The following PHYHIP variants were observed in gnomAD, a reference collection of about 807,000 sequenced individuals.
PHYHIP encodes the protein phytanoyl-CoA 2-hydroxylase interacting protein.
In PHYHIP, 7 loss-of-function variants were observed where a neutral mutation model predicts 26.1. The observed-to-expected ratio is 0.27, with a 90% CI of 0.15 to 0.50. The LOEUF is 0.50. Among genes scored for constraint, PHYHIP ranks in the 20% least tolerant of loss-of-function variants. The pLI is 0.98. For missense variants in PHYHIP, 232 were observed against 454.7 expected, an observed-to-expected ratio of 0.51 and a Z score of 4.45; for synonymous variants, 206 against 183.4, an observed-to-expected ratio of 1.12 and a Z score of -1.00.
intron 3 of PHYHIP, among the ~76,000 whole-genome samples, chr8:22,225,610 C>A (rs1369507279): frequency 3.7e-5 from 5 of 136,056 alleles, no homozygotes; most frequent in Non-Finnish European, 7.7e-5. Context: ...GCCTGGCCAA[C>A]ATGGTGAAAC....
rs372670531 is a variant in PHYHIP, at chr8:22,221,941, C to T, written c.459-54G>A. ...GGAAGAGAAGATGTGGCTGGTGAGC[C>T]GGGCTGAGGCTTGGCTGCTGCGTGT... On this transcript the variant is annotated intron_variant, in intron 4 of 4. Transcript: ENST00000454243. The surrounding 1 kb of genome is among the most constrained non-coding windows in gnomAD (Gnocchi z 7.9). 66 of 1,424,406 alleles carry T rather than the reference C, an allele frequency of 4.6e-5. No homozygotes were observed. Among genetic ancestry groups the T allele is most frequent in the East Asian group, 4.5e-4 (18 of 39,980 alleles). The allele number at this position is 1,424,406 out of a possible 1,614,324, so 88.2% of individuals were successfully genotyped here.
Position 22,228,306 on chromosome 8 carries a change from C to T in PHYHIP, c.52G>A (p.Asp18Asn). Residue 18 changes from aspartate (D) to asparagine (N), a missense_variant, in exon 2 of 5, where the codon GAC becomes AAC. Transcript: ENST00000454243. ...ATGGCCCAGGAGATGCGGAAGGAGT[C>T]GCAGGTGATGTTGTTGATCTCAATG... ...HSIEINNITC[D>N]SFRISWAMED... 2 of 1,611,014 alleles carry T rather than the reference C, an allele frequency of 1.2e-6. No homozygotes were observed. Among genetic ancestry groups the T allele is most frequent in the Non-Finnish European group, 1.7e-6 (2 of 1,179,166 alleles).
chr8:22,227,061 AAACAGGGGTTC>A (rs1444971885), intron 2 of PHYHIP, 36 bp from the exon 3 acceptor site: 1 of 1,573,220 alleles, frequency 6.4e-7, no homozygotes, highest in Admixed American at 1.8e-5. Flanking sequence ...GCCAGGCGTC[AAACAGGGGTTC>A]ATGCCCAATC....
chr8:22,227,830 G>A (rs975781101), intron 2 of PHYHIP: 34 of 418,060 alleles, frequency 8.1e-5, no homozygotes, highest in African/African-American at 5.5e-4. Flanking sequence ...GACTTGAGAC[G>A]TCATCCCCAT....
intron 1 of PHYHIP, among the ~76,000 whole-genome samples, chr8:22,230,797 T>G (rs74442072): frequency 0.062 from 9,402 of 152,100 alleles, 359 homozygotes; most frequent in Admixed American, 0.091. Context: ...CCCTCTTCAA[T>G]CTGTCACCTC....
At chr8:22,223,884 C>T (rs1009816180) in intron 4 of PHYHIP, 9 of 223,418 alleles carry the variant, frequency 4.0e-5, no homozygotes, top group Non-Finnish European at 7.9e-5. Flanking sequence ...CTGCCACCTT[C>T]CCTTTGGCCC....
At chr8:22,229,803 T>C (rs1829831470) in intron 1 of PHYHIP, among the ~76,000 whole-genome samples, 1 of 152,226 alleles carries the variant, frequency 6.6e-6, no homozygotes, top group Non-Finnish European at 1.5e-5. Context: ...TATTTATAGC[T>C]TCCAGAGGAT....
chr8:22,220,241 C>CA lies in PHYHIP; in HGVS notation c.*1111dup, dbSNP rs1829587915. On this transcript the variant is annotated 3_prime_UTR_variant, in exon 5 of 5. Coordinates refer to ENST00000454243, the MANE Select transcript of PHYHIP (RefSeq NM_014759.5). Reference sequence around the variant, plus strand: ...GACCTGTGTGACAGTAGGAATGAGGCAAAAACACAAGGAGGCCCGGGAAGG... The same window carrying CA: ...GACCTGTGTGACAGTAGGAATGAGGCAAAAAACACAAGGAGGCCCGGGAAGG... 6.6e-6 allele frequency: 1 copy of CA among 152,232 alleles called. No homozygotes were observed. The highest frequency in any genetic ancestry group is 1.5e-5 in the Non-Finnish European group (1 of 68,072). The allele number at this position is 152,232 out of a possible 1,614,324, so 9.4% of individuals were successfully genotyped here.
At chr8:22,224,703 G>A (rs1264719294) in intron 3 of PHYHIP, among the ~76,000 whole-genome samples, 1 of 152,196 alleles carries the variant, frequency 6.6e-6, no homozygotes, top group Admixed American at 6.5e-5. Flanking sequence ...GAAAAAGGAA[G>A]ACTTGAGACG....
intron 2 of PHYHIP, chr8:22,227,815 G>C (rs1027861227): frequency 4.6e-6 from 2 of 431,576 alleles, no homozygotes; most frequent in Non-Finnish European, 9.2e-6. Flanking sequence ...CCGGGGCTTT[G>C]TCGAGACTTG....
At chr8:22,222,923 G>A (rs547081869) in intron 4 of PHYHIP, among the ~76,000 whole-genome samples, 1 of 152,244 alleles carries the variant, frequency 6.6e-6, no homozygotes, top group Admixed American at 6.5e-5. Context: ...TGAACTCTTG[G>A]GGTCAAGAGA....
rs746675536 is a variant in PHYHIP, at chr8:22,221,793, T to C, written c.553A>G (p.Ser185Gly). 6.2e-7 allele frequency: 1 copy of C among 1,610,796 alleles called. No individual in the cohort carries two copies. Among genetic ancestry groups the C allele is most frequent in the East Asian group, 2.2e-5 (1 of 44,774 alleles). Residue 185 changes from serine to glycine, a missense_variant, in exon 5 of 5, where the codon AGC becomes GGC. Transcript: ENST00000454243. This position sits in a 1 kb window ranked among gnomAD's most constrained non-coding sequence, Gnocchi z 7.9. Reference sequence around the variant, plus strand: ...CCCGTGTTGAACTCCGTGTTGCAGCTGAAGAAGACCCCGTGGAGCATACCG... The same window carrying C: ...CCCGTGTTGAACTCCGTGTTGCAGCCGAAGAAGACCCCGTGGAGCATACCG... ...TSGMLHGVFF[S>G]CNTEFNTGQP... is the part of the protein sequence containing the mutation.
In PHYHIP at chr8:22,228,400, A is replaced by G; in HGVS notation, c.-29-14T>C. ...CTCCTGTGGGGACTGAGGAGGAGGG[A>G]AAGGGTCAGTACATCCCTTGACCCC... On this transcript the variant is annotated splice_polypyrimidine_tract_variant and intron_variant, in intron 1 of 4. Coordinates refer to ENST00000454243, the MANE Select transcript of PHYHIP (RefSeq NM_014759.5). The G allele has an allele frequency of 6.6e-7, 1 of 1,504,354 alleles. No individual in the cohort carries two copies. Among genetic ancestry groups the G allele is most frequent in the Non-Finnish European group, 9.1e-7 (1 of 1,103,312 alleles). The allele number at this position is 1,504,354 out of a possible 1,614,324, so 93.2% of individuals were successfully genotyped here. A position where few individuals can be genotyped will look rare whatever the true frequency, so the allele number is the denominator to read the frequency against.
At chr8:22,229,784 A>G (rs1439796803) in intron 1 of PHYHIP, among the ~76,000 whole-genome samples, 2 of 152,142 alleles carry the variant, frequency 1.3e-5, no homozygotes, top group Admixed American at 6.5e-5. Flanking sequence ...CTGCAAAAGC[A>G]GGTACTTTTA....
In PHYHIP at chr8:22,221,323, C is replaced by A; in HGVS notation, c.*30G>T. 6.5e-7 allele frequency: 1 copy of A among 1,529,236 alleles called. No individual in the cohort carries two copies. The highest frequency in any genetic ancestry group is 1.4e-5 in the African/African-American group (1 of 72,446). The allele number at this position is 1,529,236 out of a possible 1,614,324, so 94.7% of individuals were successfully genotyped here. A position where few individuals can be genotyped will look rare whatever the true frequency, so the allele number is the denominator to read the frequency against. ...ACCCACCTCCACCTTCCGCTCATCTCTCCCTCGCCCCCCAGCTCCCCAGGA... is the reference window on the plus strand; with the variant it reads ...ACCCACCTCCACCTTCCGCTCATCTATCCCTCGCCCCCCAGCTCCCCAGGA... On this transcript the variant is annotated 3_prime_UTR_variant, in exon 5 of 5. Coordinates refer to ENST00000454243, the MANE Select transcript of PHYHIP (RefSeq NM_014759.5). This position sits in a 1 kb window ranked among gnomAD's most constrained non-coding sequence, Gnocchi z 7.9.
In PHYHIP at chr8:22,228,404, G is replaced by A; in HGVS notation, c.-29-18C>T. The A allele has an allele frequency of 6.8e-7, 1 of 1,465,798 alleles. No individual in the cohort carries two copies. Among genetic ancestry groups the A allele is most frequent in the Non-Finnish European group, 9.4e-7 (1 of 1,069,482 alleles). 90.8% of individuals were successfully genotyped at this position (1,465,798 alleles called of 1,614,324 possible). On this transcript the variant is annotated intron_variant, in intron 1 of 4. Transcript: ENST00000454243. The stretch of plus-strand genomic sequence containing the variant: ...TGTGGGGACTGAGGAGGAGGGAAAG[G>A]GTCAGTACATCCCTTGACCCCGGCG...
At chr8:22,223,350 G>T (rs1829671572) in intron 4 of PHYHIP, among the ~76,000 whole-genome samples, 1 of 132,474 alleles carries the variant, frequency 7.5e-6, no homozygotes, top group South Asian at 2.5e-4. Context: ...TGACAGAGAA[G>T]ACGCCATCTC....
intron 3 of PHYHIP, 25 bp downstream of exon 3, chr8:22,226,826 C>T (rs1219675476): frequency 1.3e-6 from 2 of 1,597,272 alleles, no homozygotes; most frequent in South Asian, 1.1e-5. Context: ...AGCAGCAGGA[C>T]AGGGGTGTGA....
intron 1 of PHYHIP, among the ~76,000 whole-genome samples, chr8:22,229,715 T>C (rs1217881361): frequency 1.3e-5 from 2 of 152,176 alleles, no homozygotes; most frequent in African/African-American, 4.8e-5. Flanking sequence ...CCTTCTCTTC[T>C]TTCTCCCCTC....
Sources: gnomAD v4.1 joint callset for allele counts (sites outside exome capture counted in the v4.1 genomes callset) on GRCh38, gnomAD v4.1.1 for gene constraint, Gnocchi (gnomAD v3.1) non-coding constraint, MANE v1.5 for transcripts, NCBI Gene and HGNC (gene_info 2026-07-23, HGNC 2026-07-21) for gene names.